The following CCDC169 variants were observed in gnomAD, a reference collection of about 807,000 sequenced individuals.
CCDC169 encodes coiled-coil domain containing 169.
In CCDC169, 30 loss-of-function variants were observed where a neutral mutation model predicts 36.0. That is an observed-to-expected ratio of 0.83 (90% CI 0.62 to 1.13). The LOEUF (loss-of-function observed/expected upper bound fraction) is 1.13. Ranked by LOEUF, CCDC169 falls within the 50% of genes most tolerant of loss-of-function variation. The pLI, the probability that CCDC169 is intolerant of heterozygous loss-of-function variation, is 0.00. For missense variants in CCDC169, 245 were observed against 245.9 expected (o/e 1.00, Z 0.03); for synonymous variants, 85 against 81.5 (o/e 1.04, Z -0.23).
intron 4 of CCDC169, among the ~76,000 whole-genome samples, chr13:36,262,599 C>T (rs914753213): frequency 4.6e-5 from 7 of 152,094 alleles, no homozygotes; most frequent in African/African-American, 1.7e-4. Flanking sequence ...CCTGAAGATC[C>T]CCTGCCCCAA....
intron 4 of CCDC169, among the ~76,000 whole-genome samples, chr13:36,255,842 A>G (rs1340247301): frequency 6.6e-6 from 1 of 152,162 alleles, no homozygotes; most frequent in African/African-American, 2.4e-5. Flanking sequence ...ACTTGTGGCC[A>G]GGACGCTGAA....
At chr13:36,225,306 G>A (rs923970485), downstream of CCDC169, 5 of 152,094 alleles carry the variant, frequency 3.3e-5, no homozygotes, top group Non-Finnish European at 7.3e-5. Context: ...CCAGGCTCAA[G>A]TGATCCTCCC....
intron 7 of CCDC169, among the ~76,000 whole-genome samples, chr13:36,234,102 T>C (rs1870778330): frequency 6.6e-6 from 1 of 152,144 alleles, no homozygotes; most frequent in South Asian, 2.1e-4. Context: ...TCCCAAAACC[T>C]TTTTTAAAAT....
chr13:36,235,942 C>A (rs938129826), intron 7 of CCDC169, among the ~76,000 whole-genome samples: 3 of 151,748 alleles, frequency 2.0e-5, no homozygotes, highest in African/African-American at 7.3e-5. Context: ...ATAAATTTAG[C>A]CAAAGAATTG....
chr13:36,276,980 T>C (rs530946748), intron 4 of CCDC169, among the ~76,000 whole-genome samples: 1 of 152,264 alleles, frequency 6.6e-6, no homozygotes, highest in African/African-American at 2.4e-5. Context: ...ATACTTTTAA[T>C]ATACATTAGT....
downstream of CCDC169, chr13:36,225,208 A>AG (rs1869805177): frequency 2.0e-5 from 1 of 51,032 alleles, no homozygotes; most frequent in African/African-American, 7.7e-5. Context: ...CCTAGGAAAC[A>AG]CTTTTTTTTT....
chr13:36,226,899 A>C, downstream of CCDC169: 1 of 394,110 alleles, frequency 2.5e-6, no homozygotes. Flanking sequence ...AGCATTATAC[A>C]ATATACCACG....
chr13:36,293,533 G>A (rs1879148300), intron 2 of CCDC169, among the ~76,000 whole-genome samples: 1 of 152,098 alleles, frequency 6.6e-6, no homozygotes, highest in Non-Finnish European at 1.5e-5. Context: ...ATATACCCCT[G>A]TGCCAGTTCT....
intron 2 of CCDC169, among the ~76,000 whole-genome samples, chr13:36,285,708 C>T (rs1390479428): frequency 6.6e-6 from 1 of 152,066 alleles, no homozygotes; most frequent in Non-Finnish European, 1.5e-5. Flanking sequence ...GGCTGCTTGC[C>T]ACTTACAGAG....
downstream of CCDC169, chr13:36,224,173 T>A (rs2138355453): frequency 6.6e-6 from 1 of 152,238 alleles, no homozygotes; most frequent in East Asian, 1.9e-4. Context: ...AGGAAAATAT[T>A]GGGAATTAGC....
At chr13:36,245,389 T>A (rs1303981707) in intron 7 of CCDC169, among the ~76,000 whole-genome samples, 1 of 152,054 alleles carries the variant, frequency 6.6e-6, no homozygotes, top group South Asian at 2.1e-4. Context: ...AGCCTTGAAC[T>A]CCTGGGCTCA....
At chr13:36,226,121 G>T (rs1477564665), downstream of CCDC169, 1 of 152,148 alleles carries the variant, frequency 6.6e-6, no homozygotes, top group Non-Finnish European at 1.5e-5. Context: ...CTACTAAAAA[G>T]ACAGATGCAC....
chr13:36,284,251 A>G (rs1419640661), intron 2 of CCDC169, among the ~76,000 whole-genome samples: 1 of 152,118 alleles, frequency 6.6e-6, no homozygotes, highest in African/African-American at 2.4e-5. Context: ...TTCCTTTGAA[A>G]GCAATTCTGA....
At chr13:36,272,439 T>G (rs1432125149) in intron 4 of CCDC169, among the ~76,000 whole-genome samples, 1 of 152,146 alleles carries the variant, frequency 6.6e-6, no homozygotes, top group Non-Finnish European at 1.5e-5. Context: ...TAAAAATTTT[T>G]TGAAGCCCAG....
intron 2 of CCDC169, among the ~76,000 whole-genome samples, chr13:36,292,846 C>G (rs1879064780): frequency 6.6e-6 from 1 of 151,976 alleles, no homozygotes; most frequent in Non-Finnish European, 1.5e-5. Context: ...AGGGCCATCA[C>G]TACAGTGATA....
At chr13:36,234,139 T>C (rs1175230442) in intron 7 of CCDC169, among the ~76,000 whole-genome samples, 1 of 152,204 alleles carries the variant, frequency 6.6e-6, no homozygotes, top group African/African-American at 2.4e-5. Context: ...ACTCTTTCTG[T>C]AACCTCAAAA....
downstream of CCDC169, chr13:36,222,251 C>T (rs1869651530): frequency 6.6e-6 from 1 of 152,124 alleles, no homozygotes; most frequent in Admixed American, 6.6e-5. Context: ...GACCTCAGAG[C>T]AGGGTAGGGG....
chr13:36,229,405 T>A (rs1295145927), downstream of CCDC169, among the ~76,000 whole-genome samples: 1 of 152,170 alleles, frequency 6.6e-6, no homozygotes, highest in Non-Finnish European at 1.5e-5. Flanking sequence ...GTCCCTGTGA[T>A]AAGATGTTCA....
intron 2 of CCDC169, among the ~76,000 whole-genome samples, chr13:36,288,910 T>C (rs1878553807): frequency 6.6e-6 from 1 of 152,040 alleles, no homozygotes; most frequent in African/African-American, 2.4e-5. Context: ...TAAAATAAAA[T>C]GGCTAGTTAT....
Sources: gnomAD v4.1 joint callset for allele counts (sites outside exome capture counted in the v4.1 genomes callset) on GRCh38, gnomAD v4.1.1 for gene constraint, MANE v1.5 for transcripts, NCBI Gene and HGNC (gene_info 2026-07-23, HGNC 2026-07-21) for gene names.